TTC7B: variants seen among roughly 807,000 people sequenced by gnomAD.
TTC7B encodes the protein tetratricopeptide repeat domain 7B.
A neutral mutation model predicts 106.8 loss-of-function variants in TTC7B; 28 were observed. The ratio of observed to expected loss-of-function variants is 0.26; its 90% confidence interval spans 0.19 to 0.36. The LOEUF (loss-of-function observed/expected upper bound fraction) is 0.36. Among genes scored for constraint, TTC7B ranks in the 10% least tolerant of loss-of-function variants. The probability of loss-of-function intolerance (pLI) is 1.00; values close to 1 mark genes in which losing one functional copy is unlikely to be tolerated. For missense variants in TTC7B, 862 were observed against 1,076.4 expected (o/e 0.80, Z 2.79); for synonymous variants, 405 against 430.6 (o/e 0.94, Z 0.74).
intron 5 of TTC7B, among the ~76,000 whole-genome samples, chr14:90,701,307 T>C (rs772733729): frequency 1.2e-4 from 18 of 152,178 alleles, no homozygotes; most frequent in Non-Finnish European, 2.6e-4. Flanking sequence ...GAGTCAATTA[T>C]ACATTTGGTC....
At chr14:90,672,146 G>A (rs4900057) in intron 9 of TTC7B, among the ~76,000 whole-genome samples, 95,967 of 152,014 alleles carry the variant, frequency 0.63, 30,501 homozygotes, top group East Asian at 0.87. Context: ...ACGTGTAAGT[G>A]TTAATGCTGG....
chr14:90,575,642 C>T lies in TTC7B; in HGVS notation c.2310+2464G>A, dbSNP rs1286486. Among the ~76,000 whole-genome samples the T allele has an allele frequency of 0.21, 32,676 of 152,096 alleles. 3,885 individuals carry two copies. Among genetic ancestry groups the T allele is most frequent in the African/African-American group, 0.33 (13,514 of 41,468 alleles). On this transcript the variant is annotated intron_variant, in intron 19 of 19. Coordinates refer to ENST00000328459, the MANE Select transcript of TTC7B (RefSeq NM_001010854.2). The surrounding 1 kb of genome is among the most constrained non-coding windows in gnomAD (Gnocchi z 5.2). ...CTCCCCCTGGCTGTGGGCTGGGCTC[C>T]TGGGGACAGGCTGGGGAGAACACAG...
chr14:90,602,217 G>C (rs910534416), intron 17 of TTC7B: 1 of 455,908 alleles, frequency 2.2e-6, no homozygotes, highest in African/African-American at 2.0e-5. Flanking sequence ...TGGAAAAAAC[G>C]ATTACATTAG....
At position 90,789,619 on chromosome 14, in the gene TTC7B, G is replaced by A. The variant is rs889652563; in HGVS notation, c.122-3291C>T. Reference sequence around the variant, plus strand: ...TAACCAAAATACTATCAGGTCAGCCGGGCGCGTGGCTCACAGCTGTAATCC... The same window carrying A: ...TAACCAAAATACTATCAGGTCAGCCAGGCGCGTGGCTCACAGCTGTAATCC... On this transcript the variant is annotated intron_variant, in intron 1 of 19. Transcript: ENST00000328459. Among the ~76,000 whole-genome samples, 9 of 136,896 alleles carry A rather than the reference G, an allele frequency of 6.6e-5. 1 individual carries two copies. The highest frequency in any genetic ancestry group is 4.8e-4 in the South Asian group (2 of 4,210). 89.8% of individuals were successfully genotyped at this position (136,896 alleles called of 152,430 possible). A position where few individuals can be genotyped will look rare whatever the true frequency, so the allele number is the denominator to read the frequency against.
At chr14:90,607,073 G>A (rs1198328783) in intron 17 of TTC7B, among the ~76,000 whole-genome samples, 1 of 152,154 alleles carries the variant, frequency 6.6e-6, no homozygotes, top group African/African-American at 2.4e-5. Context: ...GAGAGAGATC[G>A]AATGAGAATG....
intron 18 of TTC7B, among the ~76,000 whole-genome samples, chr14:90,579,824 C>T (rs1891412894): frequency 6.6e-6 from 1 of 152,178 alleles, no homozygotes; most frequent in Admixed American, 6.6e-5. Context: ...CAAACAACAA[C>T]AACAACGAAA....
In TTC7B at chr14:90,663,287, C is replaced by T. The variant is rs1026153969; in HGVS notation, c.1153-4900G>A. ...AAGCGGTCTGCTTCCAGAGACTGAG[C>T]TCTTCACCACAACACTACTGCCTCT... is the stretch of plus-strand genomic sequence containing the variant. On this transcript the variant is annotated intron_variant, in intron 9 of 19. Coordinates refer to ENST00000328459, the MANE Select transcript of TTC7B (RefSeq NM_001010854.2). The surrounding 1 kb of genome is among the most constrained non-coding windows in gnomAD (Gnocchi z 4.5). Among the ~76,000 whole-genome samples, 6 of 152,130 alleles carry T rather than the reference C, an allele frequency of 3.9e-5. No individual in the cohort carries two copies. Among genetic ancestry groups the T allele is most frequent in the Admixed American group, 1.3e-4 (2 of 15,278 alleles).
In TTC7B at chr14:90,689,522, G is replaced by A. The variant is rs1887381331; in HGVS notation, c.950+18C>T. On this transcript the variant is annotated intron_variant, in intron 7 of 19. Transcript: ENST00000328459. The stretch of plus-strand genomic sequence containing the variant: ...CTCCCAACCCATAACCTACAAGTGA[G>A]GACATCAACTTTCATACTTCTCTCC... The A allele has an allele frequency of 3.1e-6, 5 of 1,609,050 alleles. No individual in the cohort carries two copies. In the South Asian group the frequency reaches 5.5e-5, roughly 18 times the overall value.
chr14:90,745,297 CAAAA>C (rs71461925), intron 3 of TTC7B, among the ~76,000 whole-genome samples: 6 of 108,746 alleles, frequency 5.5e-5, no homozygotes, highest in Admixed American at 9.7e-5. Flanking sequence ...CCCTGTCTCC[CAAAA>C]AAAAAAAAAA....
At chr14:90,785,153 C>T (rs1435715127) in intron 2 of TTC7B, among the ~76,000 whole-genome samples, 1 of 152,140 alleles carries the variant, frequency 6.6e-6, no homozygotes, top group Non-Finnish European at 1.5e-5. Context: ...GGCGAGTAAC[C>T]TCCCCGGGGT....
intron 12 of TTC7B, among the ~76,000 whole-genome samples, chr14:90,654,193 C>T (rs553999957): frequency 7.9e-5 from 12 of 152,232 alleles, no homozygotes; most frequent in Middle Eastern, 3.4e-3. Flanking sequence ...GAGGGGCACA[C>T]GGAGGGCTCC....
chr14:90,812,213 GC>G (rs1450783805), intron 1 of TTC7B, among the ~76,000 whole-genome samples: 1 of 152,110 alleles, frequency 6.6e-6, no homozygotes, highest in Non-Finnish European at 1.5e-5. Context: ...AGATCACCTA[GC>G]CACTACAGGT....
intron 5 of TTC7B, among the ~76,000 whole-genome samples, chr14:90,707,619 T>C (rs1680895898): frequency 6.6e-6 from 1 of 152,112 alleles, no homozygotes; most frequent in South Asian, 2.1e-4. Context: ...AAAAATAATT[T>C]TTTAAAAAAA....
chr14:90,687,889 CAAGA>C (rs903362250), intron 7 of TTC7B, among the ~76,000 whole-genome samples: 1 of 152,138 alleles, frequency 6.6e-6, no homozygotes, highest in Non-Finnish European at 1.5e-5. Context: ...AAGAAGGTGA[CAAGA>C]GAGAGAAATG....
intron 5 of TTC7B, among the ~76,000 whole-genome samples, chr14:90,713,623 G>T (rs113876586): frequency 3.4e-3 from 516 of 152,268 alleles, no homozygotes; most frequent in African/African-American, 0.012. Context: ...ATGGTACCAT[G>T]GGATGGTTTC....
intron 17 of TTC7B, among the ~76,000 whole-genome samples, chr14:90,598,501 C>T (rs1449813152): frequency 6.6e-6 from 1 of 152,174 alleles, no homozygotes; most frequent in African/African-American, 2.4e-5. Context: ...GACCTAGAAA[C>T]TGTGATGGGA....
At chr14:90,803,947 G>A (rs1595050329) in intron 1 of TTC7B, among the ~76,000 whole-genome samples, 1 of 152,056 alleles carries the variant, frequency 6.6e-6, no homozygotes, top group South Asian at 2.1e-4. Context: ...TACCAGGCAG[G>A]GGGATGTTAT....
At chr14:90,642,453 G>A (rs1301983851) in intron 15 of TTC7B, among the ~76,000 whole-genome samples, 3 of 152,206 alleles carry the variant, frequency 2.0e-5, no homozygotes, top group African/African-American at 7.2e-5. Flanking sequence ...ACTTCCTTCT[G>A]AAAGTGAAGA....
chr14:90,704,759 T>C (rs903757372), intron 5 of TTC7B, among the ~76,000 whole-genome samples: 1 of 152,140 alleles, frequency 6.6e-6, no homozygotes, highest in Non-Finnish European at 1.5e-5. Flanking sequence ...AAAGATGGTG[T>C]CGGGGAAAAA....
Sources: allele counts gnomAD v4.1 joint callset (sites outside exome capture counted in the v4.1 genomes callset), GRCh38; gene constraint gnomAD v4.1.1; non-coding constraint Gnocchi (gnomAD v3.1); transcripts MANE v1.5; gene names NCBI Gene and HGNC (gene_info 2026-07-23, HGNC 2026-07-21).